Variants in GCN1 observed in about 807,000 individuals in gnomAD.
GCN1 encodes stalled ribosome sensor GCN1.
A neutral mutation model predicts 288.4 loss-of-function variants in GCN1; 90 were observed. That is an observed-to-expected ratio of 0.31 (90% CI 0.26 to 0.37). GCN1 has a LOEUF of 0.37. Among genes scored for constraint, GCN1 ranks in the 10% least tolerant of loss-of-function variants. The probability of loss-of-function intolerance (pLI) is 1.00; values close to 1 mark genes in which losing one functional copy is unlikely to be tolerated. For synonymous variants in GCN1, 1,386 were observed against 1,420.2 expected (o/e 0.98, Z 0.54); for missense variants, 2,586 against 3,419.9 (o/e 0.76, Z 6.08).
intron 31 of GCN1, among the ~76,000 whole-genome samples, chr12:120,154,717 C>T (rs914500159): frequency 1.1e-4 from 16 of 152,312 alleles, no homozygotes; most frequent in South Asian, 4.1e-4. Context: ...TAGCCACATG[C>T]GGTTAGTGGC....
At position 120,170,348 on chromosome 12, in the gene GCN1, A is replaced by C. The variant is rs1355163750; in HGVS notation, c.1367-27T>G. ...TGTGGAGAGAGGACAAGCACCTTAA[A>C]GGACATCCTGATCCTTGGAAATGAC... On this transcript the variant is annotated intron_variant, in intron 14 of 57. Coordinates refer to ENST00000300648, the MANE Select transcript of GCN1 (RefSeq NM_006836.2). The C allele has an allele frequency of 6.2e-6, 10 of 1,610,732 alleles. 1 individual carries two copies. The East Asian group carries it at 2.2e-4, about 36-fold the overall frequency.
At chr12:120,182,940 A>G (rs1364591079) in intron 5 of GCN1, among the ~76,000 whole-genome samples, 2 of 151,248 alleles carry the variant, frequency 1.3e-5, no homozygotes, top group East Asian at 3.9e-4. Flanking sequence ...GTCTCAAAAA[A>G]AAAAAAAAAA....
At chr12:120,140,234 G>A (rs1451239902) in intron 45 of GCN1, among the ~76,000 whole-genome samples, 1 of 152,162 alleles carries the variant, frequency 6.6e-6, no homozygotes, top group Admixed American at 6.5e-5. Flanking sequence ...AATTGCTTTG[G>A]CGTTTTCATC....
At chr12:120,150,245 G>A (rs1237387063) in intron 34 of GCN1, among the ~76,000 whole-genome samples, 1 of 152,176 alleles carries the variant, frequency 6.6e-6, no homozygotes, top group Non-Finnish European at 1.5e-5. Flanking sequence ...ATGTGGCTGA[G>A]CGAAAGGGAG....
chr12:120,138,599 T>C (rs1440813787), intron 46 of GCN1, 96 bp downstream of exon 46: 6 of 1,319,372 alleles, frequency 4.5e-6, no homozygotes, highest in East Asian at 2.3e-5. Context: ...AGGGCCCACA[T>C]TGCGACTGCC....
chr12:120,138,367 T>C lies in GCN1; in HGVS notation c.6205A>G (p.Met2069Val), dbSNP rs1594261266. Residue 2069 changes from methionine (M) to valine (V), a missense_variant, in exon 47 of 58, where the codon ATG (methionine) becomes GTG (valine). Met to Val is a conservative substitution (Grantham distance 21). Around this residue, in one of 8 missense-constraint regions of GCN1, gnomAD observed 437 missense variants for 570.5 expected, o/e 0.77. Coordinates refer to ENST00000300648, the MANE Select transcript of GCN1 (RefSeq NM_006836.2). ...EFALDGLKQV[M>V]AIKSRVVLPY... ...AGCACCACACGACTCTTAATAGCCA[T>C]GACTTGCTTCAGACCATCCAAGGCA... The C allele has an allele frequency of 6.2e-7, 1 of 1,612,540 alleles. No homozygotes were observed. Among genetic ancestry groups the C allele is most frequent in the Non-Finnish European group, 8.5e-7 (1 of 1,178,506 alleles).
chr12:120,143,037 A>G, intron 42 of GCN1, 96 bp from the exon 43 acceptor site: 1 of 709,962 alleles, frequency 1.4e-6, no homozygotes, highest in Admixed American at 2.0e-5. Flanking sequence ...TGCACCCAAA[A>G]TACTCATGAC....
chr12:120,154,672 AACTT>A (rs1396986702), intron 31 of GCN1, among the ~76,000 whole-genome samples: 2 of 152,202 alleles, frequency 1.3e-5, no homozygotes, highest in East Asian at 1.9e-4. Context: ...CACTCTAAGG[AACTT>A]ACTTAGAGTT....
At chr12:120,148,703 T>C (rs779461097) in intron 36 of GCN1, among the ~76,000 whole-genome samples, 1 of 152,216 alleles carries the variant, frequency 6.6e-6, no homozygotes, top group Non-Finnish European at 1.5e-5. Context: ...TGTTTCAAAC[T>C]ACAGGGTGAA....
chr12:120,187,067 C>T lies in GCN1; in HGVS notation c.122-2180G>A, dbSNP rs76471127. On this transcript the variant is annotated intron_variant, in intron 2 of 57. Coordinates refer to ENST00000300648, the MANE Select transcript of GCN1 (RefSeq NM_006836.2). ...TTAACACACAAGAGACTCTCTGAGA[C>T]GCTCACAAATAGCAAGTTTACAAGC... Among the ~76,000 whole-genome samples, 1,131 of 152,248 alleles carry T rather than the reference C, an allele frequency of 7.4e-3. 12 individuals are homozygous for T. Among genetic ancestry groups the T allele is most frequent in the African/African-American group, 0.023 (967 of 41,556 alleles).
At position 120,142,911 on chromosome 12, in the gene GCN1, G is replaced by C. The variant is rs374528930; in HGVS notation, c.5526C>G (p.Leu1842=). Residue 1842 remains leucine, a synonymous_variant, in exon 43 of 58, where the codon CTC becomes CTG. Transcript: ENST00000300648. This position sits in a 1 kb window ranked among gnomAD's most constrained non-coding sequence, Gnocchi z 4.9. ...RFSSVQLLGD[L]LFHISGVTGK... is the part of the protein sequence containing the mutation. ...CAGTGACTCCTGAGATGTGAAACAG[G>C]AGATCCCCAAGGAGCTGAACAGAGC... The C allele has an allele frequency of 3.1e-6, 5 of 1,613,484 alleles. No individual in the cohort carries two copies. The highest frequency in any genetic ancestry group is 3.4e-6 in the Non-Finnish European group (4 of 1,179,416).
At chr12:120,193,533 G>GAC (rs2136122410) in intron 1 of GCN1, among the ~76,000 whole-genome samples, 1 of 152,222 alleles carries the variant, frequency 6.6e-6, no homozygotes, top group African/African-American at 2.4e-5. Context: ...TCAAACTCCT[G>GAC]ACCTCAACTG....
intron 1 of GCN1, among the ~76,000 whole-genome samples, chr12:120,192,969 G>A (rs190207990): frequency 2.4e-4 from 36 of 152,326 alleles, no homozygotes; most frequent in African/African-American, 8.4e-4. Flanking sequence ...CTGGGAGGCA[G>A]AGGTTGCAGT....
chr12:120,135,990 C>T (rs998484786), intron 51 of GCN1, among the ~76,000 whole-genome samples: 13 of 151,932 alleles, frequency 8.6e-5, no homozygotes, highest in Non-Finnish European at 1.6e-4. Flanking sequence ...CACTCCAGCT[C>T]TGGGTGACAG....
At position 120,155,737 on chromosome 12, in the gene GCN1, G is replaced by GGACC; in HGVS notation, c.3313-22_3313-19dup. On this transcript the variant is annotated intron_variant, in intron 28 of 57. Transcript: ENST00000300648. The surrounding 1 kb of genome is among the most constrained non-coding windows in gnomAD (Gnocchi z 4.9). ...ATCAGCCCCTGGAAGGGGTGGGATT[G>GGACC]GACCGTGTGAGGCATCATCTTTCAG... The GGACC allele has an allele frequency of 6.2e-7, 1 of 1,613,566 alleles. No individual in the cohort carries two copies. Among genetic ancestry groups the GGACC allele is most frequent in the South Asian group, 1.1e-5 (1 of 91,044 alleles).
intron 2 of GCN1, among the ~76,000 whole-genome samples, chr12:120,185,262 A>G (rs893889135): frequency 3.3e-5 from 5 of 152,194 alleles, no homozygotes; most frequent in Non-Finnish European, 5.9e-5. Context: ...CTTTCTTCAC[A>G]TACATTCTAA....
At chr12:120,183,931 C>T (rs2139140783) in intron 4 of GCN1, among the ~76,000 whole-genome samples, 181 bp downstream of exon 4, 1 of 152,332 alleles carries the variant, frequency 6.6e-6, no homozygotes, top group Admixed American at 6.5e-5. Flanking sequence ...GCCTGGTGGG[C>T]AACTGGTTCC....
intron 4 of GCN1, 96 bp downstream of exon 4, chr12:120,184,016 A>G (rs140139834): frequency 2.5e-6 from 3 of 1,184,204 alleles, no homozygotes; most frequent in Middle Eastern, 2.0e-4. Context: ...TAAGCTTGCT[A>G]TCCTGGCTCC....
chr12:120,171,837 C>T (rs960919359), intron 14 of GCN1, among the ~76,000 whole-genome samples: 1 of 152,196 alleles, frequency 6.6e-6, no homozygotes, highest in Non-Finnish European at 1.5e-5. Flanking sequence ...CCACCTACAA[C>T]TGATGGTCAT....
Sources: allele counts gnomAD v4.1 joint callset (sites outside exome capture counted in the v4.1 genomes callset), GRCh38; gene constraint gnomAD v4.1.1; regional missense constraint gnomAD v4.1.1; non-coding constraint Gnocchi (gnomAD v3.1); transcripts MANE v1.5; gene names NCBI Gene and HGNC (gene_info 2026-07-23, HGNC 2026-07-21).